Variants in KIAA0930 observed in about 807,000 individuals in gnomAD.
KIAA0930 encodes KIAA0930, also known as uncharacterized protein KIAA0930.
Under a neutral mutation model 43.9 loss-of-function variants are expected in KIAA0930, and 24 were observed. The ratio of observed to expected loss-of-function variants is 0.55; its 90% CI spans 0.40 to 0.77. The LOEUF (loss-of-function observed/expected upper bound fraction) is 0.77, where lower values mean the gene tolerates loss of function less well. Ranked by LOEUF, KIAA0930 falls within the 30% of genes least tolerant of loss-of-function variation. KIAA0930 has a pLI of 0.00. For missense variants in KIAA0930, 461 were observed against 574.2 expected, an observed-to-expected ratio of 0.80 and a Z score of 2.02; for synonymous variants, 259 against 216.4, an observed-to-expected ratio of 1.20 and a Z score of -1.73.
At chr22:45,198,027 G>GGCTGAGGCCAAACTCT (rs1357677865) in intron 8 of KIAA0930, 79 bp from the exon 9 acceptor site, 165 of 1,462,384 alleles carry the variant, frequency 1.1e-4, no homozygotes, top group Non-Finnish European at 1.5e-4. Context: ...TCCCAGTCCA[G>GGCTGAGGCCAAACTCT]GCTGAGGCCA....
chr22:45,219,197 TC>T (rs1384206364), intron 1 of KIAA0930, among the ~76,000 whole-genome samples: 1 of 152,148 alleles, frequency 6.6e-6, no homozygotes, highest in Non-Finnish European at 1.5e-5. Context: ...ACCTTCAGTT[TC>T]CTCATCAGTA....
Position 45,197,144 on chromosome 22 carries a change from CG to C in KIAA0930, c.*31del. ...TTGGCAGCACTCCGAGGGCTGGGCCCGGCCGGGGCTCTGCGCAGGCTCCGCA... is the reference window on the plus strand; with the variant it reads ...TTGGCAGCACTCCGAGGGCTGGGCCCGCCGGGGCTCTGCGCAGGCTCCGCA... On this transcript the variant is annotated 3_prime_UTR_variant, in exon 10 of 10. Coordinates refer to ENST00000336156, the MANE Select transcript of KIAA0930 (RefSeq NM_001009880.2). 1 of 1,525,956 alleles carries C rather than the reference CG, an allele frequency of 6.6e-7. No homozygotes were observed. The highest frequency in any genetic ancestry group is 2.1e-5 in the Admixed American group (1 of 48,112). The allele number at this position is 1,525,956 out of a possible 1,614,324, so 94.5% of individuals were successfully genotyped here.
At chr22:45,217,412 C>T (rs2083740864) in intron 1 of KIAA0930, among the ~76,000 whole-genome samples, 1 of 142,814 alleles carries the variant, frequency 7.0e-6, no homozygotes, top group Non-Finnish European at 1.5e-5. Flanking sequence ...ACATATAGTT[C>T]ATTCACTAAC....
intron 9 of KIAA0930, 102 bp from the exon 10 acceptor site, chr22:45,197,318 C>G: frequency 1.0e-6 from 1 of 971,496 alleles, no homozygotes; most frequent in Non-Finnish European, 1.5e-6. Context: ...GCCTCAGCCA[C>G]TCATGCATCT....
chr22:45,204,100 A>G (rs1285841689), intron 5 of KIAA0930, 115 bp from the exon 6 acceptor site: 1 of 1,347,242 alleles, frequency 7.4e-7, no homozygotes, highest in Non-Finnish European at 1.0e-6. Flanking sequence ...GCAGGGGACA[A>G]CCGGCTGTCA....
chr22:45,225,533 C>T (rs556655747), intron 1 of KIAA0930, among the ~76,000 whole-genome samples: 12 of 152,316 alleles, frequency 7.9e-5, no homozygotes, highest in Admixed American at 3.3e-4. Context: ...CAGCCAGCCT[C>T]GGCCCTTCTT....
intron 1 of KIAA0930, among the ~76,000 whole-genome samples, chr22:45,217,318 G>A (rs1438097183): frequency 8.3e-6 from 1 of 120,552 alleles, no homozygotes; most frequent in African/African-American, 3.2e-5. Context: ...CTAAAATCAC[G>A]CCACTGCACT....
chr22:45,220,286 C>G (rs1330899776), intron 1 of KIAA0930, among the ~76,000 whole-genome samples: 3 of 151,884 alleles, frequency 2.0e-5, no homozygotes, highest in Non-Finnish European at 4.4e-5. Flanking sequence ...AACCCCGTCT[C>G]TACTAAAAAT....
chr22:45,235,943 G>C (rs2083885897), intron 1 of KIAA0930, among the ~76,000 whole-genome samples: 1 of 152,204 alleles, frequency 6.6e-6, no homozygotes, highest in South Asian at 2.1e-4. Flanking sequence ...TGGCGGGTTG[G>C]GGGAGGTGAA....
At chr22:45,240,186 G>C (rs1010035415) in intron 1 of KIAA0930, among the ~76,000 whole-genome samples, 7 of 152,210 alleles carry the variant, frequency 4.6e-5, no homozygotes, top group Non-Finnish European at 2.9e-5. Context: ...CAGTGGCCAG[G>C]GCACGCTCGC....
intron 8 of KIAA0930, among the ~76,000 whole-genome samples, chr22:45,199,007 G>A (rs35110403): frequency 1.1e-4 from 17 of 152,262 alleles, no homozygotes; most frequent in South Asian, 8.3e-4. Flanking sequence ...CCAGGCGCCC[G>A]CTGGGTCCTG....
At chr22:45,221,101 TCAGA>T (rs1407730924) in intron 1 of KIAA0930, among the ~76,000 whole-genome samples, 1 of 152,220 alleles carries the variant, frequency 6.6e-6, no homozygotes, top group Admixed American at 6.5e-5. Context: ...TATCACCTTC[TCAGA>T]CAGGCCTTCT....
intron 1 of KIAA0930, among the ~76,000 whole-genome samples, chr22:45,228,892 T>C (rs1015605821): frequency 0.039 from 34 of 872 alleles, 2 homozygotes; most frequent in Admixed American, 0.081. Context: ...TCCCTCCCCA[T>C]CCCCCCAACC....
In KIAA0930 at chr22:45,240,691, T is replaced by C. The variant is rs1328450420; in HGVS notation, c.13A>G (p.Ile5Val). MLRAIAEERGRLSLR... is the reference protein window; with the variant it reads MLRAVAEERGRLSLR... ...CTAAGACGGCCGCGCTCCTCCGCTA[T>C]GGCACGCAGCATGTGCTGCAGCGAG... The change falls in exon 1 of 10, where the codon ATA becomes GTA. Residue 5 changes from isoleucine to valine, a missense_variant. Transcript: ENST00000336156. 2 of 1,416,556 alleles carry C rather than the reference T, an allele frequency of 1.4e-6. No homozygotes were observed. Among genetic ancestry groups the C allele is most frequent in the East Asian group, 2.8e-5 (1 of 35,496 alleles). 87.7% of individuals were successfully genotyped at this position (1,416,556 alleles called of 1,614,324 possible). A position where few individuals can be genotyped will look rare whatever the true frequency, so the allele number is the denominator to read the frequency against.
intron 1 of KIAA0930, among the ~76,000 whole-genome samples, chr22:45,216,525 G>A (rs2083733618): frequency 6.6e-6 from 1 of 152,090 alleles, no homozygotes; most frequent in Non-Finnish European, 1.5e-5. Context: ...TTGGCCTCAC[G>A]GTGCAGCAAC....
intron 1 of KIAA0930, among the ~76,000 whole-genome samples, chr22:45,239,170 G>T (rs1056581841): frequency 2.6e-5 from 4 of 152,186 alleles, no homozygotes; most frequent in African/African-American, 9.7e-5. Context: ...GGGGAGTGGG[G>T]AGGGACTGCT....
At chr22:45,202,831 C>G in intron 7 of KIAA0930, 159 bp downstream of exon 7, 1 of 593,690 alleles carries the variant, frequency 1.7e-6, no homozygotes, top group Non-Finnish European at 2.9e-6. Flanking sequence ...AAGAGAAGGG[C>G]TGGGTGGTCC....
At chr22:45,234,281 T>C (rs1480399820) in intron 1 of KIAA0930, among the ~76,000 whole-genome samples, 1 of 151,988 alleles carries the variant, frequency 6.6e-6, no homozygotes, top group African/African-American at 2.4e-5. Context: ...GGCCTCATGG[T>C]CCTCCGATGG....
rs1265178218 is a variant in KIAA0930, at chr22:45,200,021, G to A, written c.867C>T (p.Ser289=). Residue 289 remains serine (S), a synonymous_variant, in exon 8 of 10, where the codon AGC becomes AGT. Transcript: ENST00000336156. ...TGTTCCGTTCTGGGGTGGGGGGTGT[G>A]CTGAAGGAGGTCACCTGGGAACAAG... is the stretch of plus-strand genomic sequence containing the variant. ...SPMHERVTSF[S]TPPTPERNNR... 1.3e-6 allele frequency: 2 copies of A among 1,592,186 alleles called. No individual in the cohort carries two copies. Among genetic ancestry groups the A allele is most frequent in the Non-Finnish European group, 1.7e-6 (2 of 1,169,800 alleles).
Sources: allele counts gnomAD v4.1 joint callset (sites outside exome capture counted in the v4.1 genomes callset), GRCh38; gene constraint gnomAD v4.1.1; transcripts MANE v1.5; gene names NCBI Gene and HGNC (gene_info 2026-07-23, HGNC 2026-07-21).